Variants in ITSN1 observed in about 807,000 individuals in gnomAD.
ITSN1 encodes the protein intersectin 1, also known as intersectin-1.
ITSN1 carries 58 observed loss-of-function variants against 239.8 expected under a neutral mutation model. The observed-to-expected ratio is 0.24, with a 90% CI of 0.20 to 0.30. The LOEUF is 0.30. Among genes scored for constraint, ITSN1 ranks in the 10% least tolerant of loss-of-function variants. The pLI is 1.00. For synonymous variants in ITSN1, 780 were observed against 770.8 expected (o/e 1.01, Z -0.20); for missense variants, 1,558 against 2,103.3 (o/e 0.74, Z 5.07).
intron 17 of ITSN1, among the ~76,000 whole-genome samples, chr21:33,795,834 T>C (rs2071505208): frequency 6.6e-6 from 1 of 151,828 alleles, no homozygotes; most frequent in Non-Finnish European, 1.5e-5. Flanking sequence ...AGCATAAAAA[T>C]ATAATATGGA....
intron 33 of ITSN1, among the ~76,000 whole-genome samples, chr21:33,867,760 C>T (rs550680792): frequency 1.9e-3 from 282 of 152,166 alleles, no homozygotes; most frequent in African/African-American, 6.3e-3. Context: ...TAAGGTGGCG[C>T]GTCTGGAGTT....
At chr21:33,765,438 A>G (rs772006471) in intron 9 of ITSN1, among the ~76,000 whole-genome samples, 13 of 152,190 alleles carry the variant, frequency 8.5e-5, no homozygotes, top group Non-Finnish European at 2.9e-5. Context: ...GCTGTGGTGA[A>G]CTATGATCTT....
chr21:33,767,882 T>TAGGAAATCTCTAA, intron 11 of ITSN1, 54 bp downstream of exon 11: 2 of 1,004,500 alleles, frequency 2.0e-6, no homozygotes, highest in Non-Finnish European at 3.1e-6. Flanking sequence ...AAATTAGAGA[T>TAGGAAATCTCTAA]TTCCTATCTC....
chr21:33,683,513 G>A lies in ITSN1; in HGVS notation c.-32-35284G>A, dbSNP rs2091081406. ...TTAATCATCTTTTCTTCAAGCCATGGAAACATGGCTGAGTCTTGAGTCATC... is the reference window on the plus strand; with the variant it reads ...TTAATCATCTTTTCTTCAAGCCATGAAAACATGGCTGAGTCTTGAGTCATC... On this transcript the variant is annotated intron_variant, in intron 1 of 39. Transcript: ENST00000381318. 3.9e-5 allele frequency among the ~76,000 whole-genome samples: 6 copies of A among 152,082 alleles called. No homozygotes were observed. The South Asian group carries it at 1.0e-3, about 26-fold the overall frequency.
At position 33,895,438 on chromosome 21, in the gene ITSN1, T is replaced by TG. The variant is rs1208458490; in HGVS notation, c.*7139dup. ...ATGCGTGTTTGTGCGTGCGTGTGCATGTATGTGTTTGTGCGTGCACGTGTG... is the reference window on the plus strand; with the variant it reads ...ATGCGTGTTTGTGCGTGCGTGTGCATGGTATGTGTTTGTGCGTGCACGTGTG... On this transcript the variant is annotated 3_prime_UTR_variant, in exon 40 of 40. Transcript: ENST00000381318. 5 of 151,760 alleles carry TG rather than the reference T, an allele frequency of 3.3e-5. No homozygotes were observed. The highest frequency in any genetic ancestry group is 1.2e-4 in the African/African-American group (5 of 41,110). 9.4% of individuals were successfully genotyped at this position (151,760 alleles called of 1,614,324 possible).
rs1417623683 is a variant in ITSN1, at chr21:33,846,485, A to T, written c.3661+9853A>T. On this transcript the variant is annotated intron_variant, in intron 29 of 39. Transcript: ENST00000381318. ...ACATCCCCATTAAGACCTCCATGGTAACAACACTAATGAACAGCGATGGTA... is the reference window on the plus strand; with the variant it reads ...ACATCCCCATTAAGACCTCCATGGTTACAACACTAATGAACAGCGATGGTA... Among the ~76,000 whole-genome samples, 7 of 152,216 alleles carry T rather than the reference A, an allele frequency of 4.6e-5. No individual in the cohort carries two copies. The South Asian group carries it at 1.0e-3, about 23-fold the overall frequency.
At chr21:33,814,783 C>T (rs2073153136) in intron 22 of ITSN1, among the ~76,000 whole-genome samples, 2 of 152,056 alleles carry the variant, frequency 1.3e-5, no homozygotes, top group Non-Finnish European at 2.9e-5. Context: ...CAGGGCGGTG[C>T]CACCAGTCAG....
intron 10 of ITSN1, among the ~76,000 whole-genome samples, chr21:33,767,330 C>T (rs1253622643): frequency 2.0e-5 from 3 of 152,104 alleles, no homozygotes; most frequent in Non-Finnish European, 4.4e-5. Flanking sequence ...AGAGATGCTC[C>T]TAGTGAGCTG....
Position 33,879,627 on chromosome 21 carries a change from TCAGA to T in ITSN1, c.4342-2615_4342-2612del, listed in dbSNP as rs1447801807. Among the ~76,000 whole-genome samples, 4 of 152,318 alleles carry T rather than the reference TCAGA, an allele frequency of 2.6e-5. No homozygotes were observed. The South Asian group carries it at 8.3e-4, about 32-fold the overall frequency. ...CCTTCCCCGACTCTGACAGCTGCCA[TCAGA>T]GGGACACAGTGAGGCCGGGATCTGA... On this transcript the variant is annotated intron_variant, in intron 34 of 39. Coordinates refer to ENST00000381318, the MANE Select transcript of ITSN1 (RefSeq NM_003024.3).
intron 22 of ITSN1, chr21:33,817,105 T>C: frequency 8.8e-7 from 1 of 1,133,362 alleles, no homozygotes; most frequent in Non-Finnish European, 1.1e-6. Context: ...CATTATCTTT[T>C]GTTCTTGTCC....
At chr21:33,708,522 G>A (rs2092319491) in intron 1 of ITSN1, among the ~76,000 whole-genome samples, 1 of 152,070 alleles carries the variant, frequency 6.6e-6, no homozygotes, top group South Asian at 2.1e-4. Context: ...AGAGTAGCTA[G>A]GATTACAGGC....
rs1430298944 is a variant in ITSN1, at chr21:33,882,562, A to G, written c.4554+107A>G. On this transcript the variant is annotated intron_variant, in intron 35 of 39. Transcript: ENST00000381318. This position sits in a 1 kb window ranked among gnomAD's most constrained non-coding sequence, Gnocchi z 4.5. ...AGCAGGGTCAGGGGCTGTGGCATGC[A>G]GGAGAAGGCCAGGAGTTGAAATGCG... 2.2e-6 allele frequency: 2 copies of G among 897,686 alleles called. No homozygotes were observed. The highest frequency in any genetic ancestry group is 3.4e-5 in the South Asian group (2 of 59,300). 55.6% of individuals were successfully genotyped at this position (897,686 alleles called of 1,614,324 possible). A position where few individuals can be genotyped will look rare whatever the true frequency, so the allele number is the denominator to read the frequency against.
Position 33,785,413 on chromosome 21 carries a change from G to A in ITSN1, c.1824+3280G>A, listed in dbSNP as rs187900243. ...TTCTGAGTTATAAGACAGTGATTAG[G>A]AAGTATAGGAAGCGTATTTAGTCAA... On this transcript the variant is annotated intron_variant, in intron 16 of 39. Transcript: ENST00000381318. 5.3e-5 allele frequency among the ~76,000 whole-genome samples: 8 copies of A among 152,252 alleles called. No homozygotes were observed. The East Asian group carries it at 5.8e-4, about 11-fold the overall frequency.
chr21:33,847,388 TGA>T (rs1219601029), intron 29 of ITSN1, among the ~76,000 whole-genome samples: 2 of 152,342 alleles, frequency 1.3e-5, no homozygotes, highest in East Asian at 3.9e-4. Flanking sequence ...AGGCATCTGC[TGA>T]GAGAGAAAAG....
intron 1 of ITSN1, among the ~76,000 whole-genome samples, chr21:33,668,308 A>G (rs899900566): frequency 1.3e-5 from 2 of 152,176 alleles, no homozygotes; most frequent in African/African-American, 2.4e-5. Context: ...CAATTTGTCA[A>G]CCTCCCTAAG....
At chr21:33,867,087 G>A (rs1161063076) in intron 32 of ITSN1, 146 bp from the exon 33 acceptor site, 2 of 617,756 alleles carry the variant, frequency 3.2e-6, no homozygotes, top group East Asian at 2.8e-5. Flanking sequence ...AGGGTAACTA[G>A]TCAGGCCCTT....
At chr21:33,816,066 G>A (rs987300920) in intron 22 of ITSN1, among the ~76,000 whole-genome samples, 4 of 152,028 alleles carry the variant, frequency 2.6e-5, no homozygotes, top group African/African-American at 4.8e-5. Context: ...GACGGTGGGC[G>A]CCTGTAATCC....
At chr21:33,780,128 T>G (rs889596568) in intron 14 of ITSN1, among the ~76,000 whole-genome samples, 3 of 152,224 alleles carry the variant, frequency 2.0e-5, no homozygotes, top group Non-Finnish European at 2.9e-5. Flanking sequence ...TTATGTGTCT[T>G]TTGTTAACTC....
At chr21:33,680,192 GT>G (rs1333956220) in intron 1 of ITSN1, among the ~76,000 whole-genome samples, 1 of 151,978 alleles carries the variant, frequency 6.6e-6, no homozygotes, top group African/African-American at 2.4e-5. Context: ...AGCAGTGGGG[GT>G]TTTATTCCTC....
Sources: allele counts gnomAD v4.1 joint callset (sites outside exome capture counted in the v4.1 genomes callset), GRCh38; gene constraint gnomAD v4.1.1; non-coding constraint Gnocchi (gnomAD v3.1); transcripts MANE v1.5; gene names NCBI Gene and HGNC (gene_info 2026-07-23, HGNC 2026-07-21).